Variants in SLC5A4 observed in about 807,000 individuals in gnomAD.
SLC5A4 encodes solute carrier family 5 member 4, also known as probable glucose sensor protein SLC5A4.
Under a neutral mutation model 70.3 loss-of-function variants are expected in SLC5A4, and 55 were observed. The observed-to-expected ratio is 0.78, with a 90% confidence interval of 0.63 to 0.98. The LOEUF is 0.98. SLC5A4 is among the 50% of genes least tolerant of loss of function. The probability of loss-of-function intolerance (pLI) is 0.00; values close to 1 mark genes in which losing one functional copy is unlikely to be tolerated. For synonymous variants in SLC5A4, 268 were observed against 305.7 expected, an observed-to-expected ratio of 0.88 and a Z score of 1.29; for missense variants, 735 against 839.2, an observed-to-expected ratio of 0.88 and a Z score of 1.53.
chr22:32,327,602 G>A, the SLC5A4 span, among the ~76,000 whole-genome samples: 8,317 of 152,318 alleles, frequency 0.055, 350 homozygotes, highest in African/African-American at 0.11. Flanking sequence ...CCAGTGCAGA[G>A]CCTGGCACGT....
the SLC5A4 span, among the ~76,000 whole-genome samples, chr22:32,290,697 C>G: frequency 0.48 from 73,376 of 151,776 alleles, 17,865 homozygotes; most frequent in Admixed American, 0.52. Flanking sequence ...GTGGGGTGTG[C>G]AGAAGACTCG....
chr22:32,340,500 C>T, the SLC5A4 span, among the ~76,000 whole-genome samples: 8,907 of 152,182 alleles, frequency 0.059, 812 homozygotes, highest in African/African-American at 0.2. Context: ...ACAAAGCAAA[C>T]GTTATGTCAG....
the SLC5A4 span, among the ~76,000 whole-genome samples, chr22:32,321,075 C>T: frequency 6.6e-6 from 1 of 152,206 alleles, no homozygotes; most frequent in Non-Finnish European, 1.5e-5. Flanking sequence ...ATCACCAGGT[C>T]AGGAGTTCAA....
chr22:32,222,990 T>G (rs74467401), intron 13 of SLC5A4, among the ~76,000 whole-genome samples: 1 of 152,220 alleles, frequency 6.6e-6, no homozygotes, highest in Non-Finnish European at 1.5e-5. Context: ...GATTTTTTTT[T>G]GTATGCTTAG....
At chr22:32,243,545 T>C (rs1256520287) in intron 5 of SLC5A4, among the ~76,000 whole-genome samples, 1 of 152,164 alleles carries the variant, frequency 6.6e-6, no homozygotes, top group Non-Finnish European at 1.5e-5. Context: ...GGAATAACAA[T>C]ATACAGGGAA....
chr22:32,325,066 T>A, the SLC5A4 span, among the ~76,000 whole-genome samples: 1 of 152,366 alleles, frequency 6.6e-6, no homozygotes, highest in East Asian at 1.9e-4. Context: ...CTAGGCACTC[T>A]GCAGGTCGCC....
the SLC5A4 span, among the ~76,000 whole-genome samples, chr22:32,279,451 A>G: frequency 6.6e-6 from 1 of 152,166 alleles, no homozygotes; most frequent in Non-Finnish European, 1.5e-5. Context: ...AAGAGGCTGC[A>G]ATGAAACAAA....
chr22:32,275,162 G>A, the SLC5A4 span, among the ~76,000 whole-genome samples: 10 of 152,262 alleles, frequency 6.6e-5, no homozygotes, highest in East Asian at 7.7e-4. Context: ...AAGAAAAATC[G>A]ACTCTTGATT....
chr22:32,338,168 T>C, the SLC5A4 span, among the ~76,000 whole-genome samples: 9 of 152,176 alleles, frequency 5.9e-5, no homozygotes, highest in Admixed American at 4.6e-4. Flanking sequence ...AAAAATGTAT[T>C]AAGTAAACAG....
At chr22:32,280,085 T>C in the SLC5A4 span, among the ~76,000 whole-genome samples, 1 of 152,282 alleles carries the variant, frequency 6.6e-6, no homozygotes, top group South Asian at 2.1e-4. Context: ...GCACGATCTC[T>C]GCTCACTGCA....
chr22:32,240,577 T>C (rs1040596407), intron 5 of SLC5A4, among the ~76,000 whole-genome samples: 1 of 152,208 alleles, frequency 6.6e-6, no homozygotes, highest in Non-Finnish European at 1.5e-5. Flanking sequence ...TTAACAGAAC[T>C]GAGTCCGTTT....
chr22:32,252,091 G>A (rs1366377796), intron 2 of SLC5A4, among the ~76,000 whole-genome samples: 2 of 152,104 alleles, frequency 1.3e-5, no homozygotes, highest in Non-Finnish European at 2.9e-5. Flanking sequence ...TCAGCCGGGC[G>A]TGGTGGTGGG....
At chr22:32,354,135 C>G in the SLC5A4 span, among the ~76,000 whole-genome samples, 1 of 151,544 alleles carries the variant, frequency 6.6e-6, no homozygotes, top group African/African-American at 2.4e-5. Context: ...GCACCCAACC[C>G]GCCCCCTCCC....
chr22:32,313,924 T>G, the SLC5A4 span, among the ~76,000 whole-genome samples: 44 of 152,246 alleles, frequency 2.9e-4, no homozygotes, highest in African/African-American at 1.1e-3. Flanking sequence ...AGCCCTGGAC[T>G]GCCCCCTCCA....
the SLC5A4 span, among the ~76,000 whole-genome samples, chr22:32,316,035 G>A: frequency 6.6e-6 from 1 of 151,502 alleles, no homozygotes; most frequent in Admixed American, 6.6e-5. Flanking sequence ...CAGGCATGGT[G>A]GTGGGTGCAT....
At chr22:32,321,273 T>C in the SLC5A4 span, among the ~76,000 whole-genome samples, 1 of 137,842 alleles carries the variant, frequency 7.3e-6, no homozygotes, top group Non-Finnish European at 1.6e-5. Flanking sequence ...GCAATAAGAA[T>C]GAAACTCCGT....
the SLC5A4 span, among the ~76,000 whole-genome samples, chr22:32,301,152 G>A: frequency 2.0e-4 from 31 of 152,186 alleles, no homozygotes; most frequent in African/African-American, 5.8e-4. Context: ...TAGTAGAGAC[G>A]GGGTTTCACC....
In SLC5A4 at chr22:32,225,516, T is replaced by C. The variant is rs1023431655; in HGVS notation, c.1449+139A>G. On this transcript the variant is annotated intron_variant, in intron 12 of 14. Coordinates refer to ENST00000266086, the MANE Select transcript of SLC5A4 (RefSeq NM_014227.3). Reference sequence around the variant, plus strand: ...TTATACTTTAGCAAGGATCAGGAATTGTGGCTGACCTCAACTAAAATTAAG... The same window carrying C: ...TTATACTTTAGCAAGGATCAGGAATCGTGGCTGACCTCAACTAAAATTAAG... The C allele has an allele frequency of 1.1e-5, 7 of 614,670 alleles. No homozygotes were observed. In the Admixed American group the frequency reaches 2.1e-4, roughly 19 times the overall value. The allele number at this position is 614,670 out of a possible 1,614,324, so 38.1% of individuals were successfully genotyped here.
At chr22:32,234,734 G>A in intron 8 of SLC5A4, 139 bp downstream of exon 8, 1 of 717,400 alleles carries the variant, frequency 1.4e-6, no homozygotes, top group East Asian at 2.5e-5. Flanking sequence ...ACAGAGAAGG[G>A]TTTGACTCTT....
Sources: gnomAD v4.1 joint callset for allele counts (sites outside exome capture counted in the v4.1 genomes callset) on GRCh38, gnomAD v4.1.1 for gene constraint, MANE v1.5 for transcripts, NCBI Gene and HGNC (gene_info 2026-07-23, HGNC 2026-07-21) for gene names.